Variants in SOS2 observed in about 807,000 individuals in gnomAD.
SOS2 encodes son of sevenless homolog 2.
In SOS2, 65 loss-of-function variants were observed where a neutral mutation model predicts 148.2. The observed-to-expected ratio is 0.44, with a 90% CI of 0.36 to 0.54. The LOEUF (loss-of-function observed/expected upper bound fraction) is 0.54, where lower values mean the gene tolerates loss of function less well. SOS2 is among the 20% of genes least tolerant of loss of function. SOS2 has a pLI of 0.00. For synonymous variants in SOS2, 539 were observed against 537.1 expected (o/e 1.00, Z -0.05); for missense variants, 1,341 against 1,590.2 (o/e 0.84, Z 2.67).
At chr14:50,226,512 G>A (rs530051133) in intron 1 of SOS2, among the ~76,000 whole-genome samples, 2 of 152,084 alleles carry the variant, frequency 1.3e-5, no homozygotes, top group Middle Eastern at 3.2e-3. Flanking sequence ...AGCCCCTACC[G>A]ATCTTTTTCC....
At position 50,178,666 on chromosome 14, in the gene SOS2, GTGTGCATATATATATATATA is replaced by G. The variant is rs1374378924; in HGVS notation, c.969+1886_969+1905del. Among the ~76,000 whole-genome samples, 125 of 70,066 alleles carry G rather than the reference GTGTGCATATATATATATATA, an allele frequency of 1.8e-3. 1 individual carries two copies. Among genetic ancestry groups the G allele is most frequent in the Admixed American group, 0.011 (67 of 5,976 alleles). 46.0% of individuals were successfully genotyped at this position (70,066 alleles called of 152,430 possible). ...CCCGCTAGTGTGTGTGTGTGTGTGTGTGTGCATATATATATATATATATATATATATATATATATATATAT... is the reference window on the plus strand; with the variant it reads ...CCCGCTAGTGTGTGTGTGTGTGTGTGTATATATATATATATATATATATAT... On this transcript the variant is annotated intron_variant, in intron 7 of 22. Transcript: ENST00000216373.
At chr14:50,200,799 T>C (rs567028485) in intron 3 of SOS2, among the ~76,000 whole-genome samples, 154 bp downstream of exon 3, 1 of 152,306 alleles carries the variant, frequency 6.6e-6, no homozygotes, top group African/African-American at 2.4e-5. Context: ...TGTATACATA[T>C]TAATATATGC....
chr14:50,159,254 C>T (rs1438938815), intron 10 of SOS2, among the ~76,000 whole-genome samples, 177 bp downstream of exon 10: 1 of 151,804 alleles, frequency 6.6e-6, no homozygotes, highest in East Asian at 1.9e-4. Context: ...ATGAAGTTAA[C>T]AATATTACAT....
chr14:50,217,738 C>T (rs1210878692), intron 1 of SOS2, among the ~76,000 whole-genome samples: 1 of 151,516 alleles, frequency 6.6e-6, no homozygotes, highest in Non-Finnish European at 1.5e-5. Context: ...CGGTGGATCA[C>T]GAGGTCAGGA....
At chr14:50,162,555 A>G (rs1284919131) in intron 8 of SOS2, among the ~76,000 whole-genome samples, 1 of 152,210 alleles carries the variant, frequency 6.6e-6, no homozygotes, top group Non-Finnish European at 1.5e-5. Flanking sequence ...CATATTCTCT[A>G]ATGATTACTT....
At chr14:50,162,952 G>A (rs985107826) in intron 8 of SOS2, among the ~76,000 whole-genome samples, 25 of 147,882 alleles carry the variant, frequency 1.7e-4, no homozygotes, top group African/African-American at 6.0e-4. Flanking sequence ...ACTGGAATAC[G>A]GTGAGGTGAT....
Position 50,208,584 on chromosome 14 carries a change from T to C in SOS2, c.88-4175A>G, listed in dbSNP as rs1886754464. ...AATCGCTTGAACTGGGAAGCAGAGG[T>C]TGCAGTGAGCTGAGATCATGCCACC... On this transcript the variant is annotated intron_variant, in intron 1 of 22. Coordinates refer to ENST00000216373, the MANE Select transcript of SOS2 (RefSeq NM_006939.4). Among the ~76,000 whole-genome samples, 8 of 151,866 alleles carry C rather than the reference T, an allele frequency of 5.3e-5. No homozygotes were observed. The South Asian group carries it at 1.7e-3, about 32-fold the overall frequency.
At chr14:50,184,262 T>G (rs1885838542) in intron 5 of SOS2, among the ~76,000 whole-genome samples, 1 of 152,196 alleles carries the variant, frequency 6.6e-6, no homozygotes, top group African/African-American at 2.4e-5. Context: ...GGCCAACTAT[T>G]ATTCACTCTG....
intron 1 of SOS2, among the ~76,000 whole-genome samples, chr14:50,205,909 CAAA>C (rs34451226): frequency 7.4e-6 from 1 of 135,542 alleles, no homozygotes. Flanking sequence ...AACTCCATCT[CAAA>C]AAAAAAAAAA....
chr14:50,190,999 G>A (rs969073550), intron 4 of SOS2, among the ~76,000 whole-genome samples: 6 of 152,094 alleles, frequency 3.9e-5, no homozygotes, highest in African/African-American at 1.4e-4. Flanking sequence ...TTTAGAGTAG[G>A]TCATACTTGC....
At chr14:50,204,252 G>A in intron 2 of SOS2, 32 bp downstream of exon 2, 1 of 1,471,704 alleles carries the variant, frequency 6.8e-7, no homozygotes, top group South Asian at 1.3e-5. Flanking sequence ...CAGTGGTTGA[G>A]TGACTTTTTG....
At chr14:50,222,663 T>C (rs1887235335) in intron 1 of SOS2, among the ~76,000 whole-genome samples, 1 of 152,172 alleles carries the variant, frequency 6.6e-6, no homozygotes, top group African/African-American at 2.4e-5. Context: ...GTCCTAAGAC[T>C]AAAACATGTC....
At chr14:50,190,911 T>G (rs1281596686) in intron 4 of SOS2, among the ~76,000 whole-genome samples, 1 of 152,138 alleles carries the variant, frequency 6.6e-6, no homozygotes, top group African/African-American at 2.4e-5. Context: ...CAAACAGACA[T>G]GCAAAATAAA....
intron 1 of SOS2, among the ~76,000 whole-genome samples, chr14:50,208,702 A>C (rs1250432369): frequency 1.3e-5 from 2 of 152,208 alleles, no homozygotes; most frequent in Admixed American, 1.3e-4. Context: ...GTTAATAGTA[A>C]GACAAGACAC....
At position 50,180,552 on chromosome 14, in the gene SOS2, A is replaced by AG; in HGVS notation, c.969+19_969+20insC. 1 of 1,085,164 alleles carries AG rather than the reference A, an allele frequency of 9.2e-7. No homozygotes were observed. Among genetic ancestry groups the AG allele is most frequent in the Admixed American group, 2.5e-5 (1 of 40,638 alleles). The allele number at this position is 1,085,164 out of a possible 1,614,324, so 67.2% of individuals were successfully genotyped here. A position where few individuals can be genotyped will look rare whatever the true frequency, so the allele number is the denominator to read the frequency against. On this transcript the variant is annotated intron_variant, in intron 7 of 22. Transcript: ENST00000216373. Reference sequence around the variant, plus strand: ...CTTTATTAAAAAAAAAAAAAAAAAAAACCTTCAATTTAAGTTTACCTGAAA... The same window carrying AG: ...CTTTATTAAAAAAAAAAAAAAAAAAAGACCTTCAATTTAAGTTTACCTGAAA...
intron 1 of SOS2, among the ~76,000 whole-genome samples, chr14:50,220,348 G>C (rs1177183669): frequency 8.0e-6 from 1 of 124,778 alleles, no homozygotes; most frequent in East Asian, 2.7e-4. Flanking sequence ...AGAGCTTGCA[G>C]TGAGCCAAGA....
Position 50,157,136 on chromosome 14 carries a change from A to AAAAGG in SOS2, c.1935-20_1935-16dup. 6.2e-7 allele frequency: 1 copy of AAAAGG among 1,606,716 alleles called. No individual in the cohort carries two copies. The highest frequency in any genetic ancestry group is 8.5e-7 in the Non-Finnish European group (1 of 1,176,766). ...GAATTTCAAACCTAAGAAGAAAAGCAAAAGGAGAAAAATCCGTTCATACAT... is the reference window on the plus strand; with the variant it reads ...GAATTTCAAACCTAAGAAGAAAAGCAAAAGGAAAGGAGAAAAATCCGTTCATACAT... On this transcript the variant is annotated splice_polypyrimidine_tract_variant and intron_variant, in intron 11 of 22. Coordinates refer to ENST00000216373, the MANE Select transcript of SOS2 (RefSeq NM_006939.4).
intron 21 of SOS2, among the ~76,000 whole-genome samples, chr14:50,125,665 G>A (rs2139493464): frequency 6.6e-6 from 1 of 152,236 alleles, no homozygotes; most frequent in Non-Finnish European, 1.5e-5. Flanking sequence ...ACCAAATAAG[G>A]ATTCAGGAGC....
At chr14:50,200,872 CA>C in intron 3 of SOS2, 80 bp downstream of exon 3, 2 of 1,353,228 alleles carry the variant, frequency 1.5e-6, no homozygotes, top group Non-Finnish European at 2.1e-6. Flanking sequence ...GACCATGCTA[CA>C]TTAATGCTTT....
Sources: allele counts gnomAD v4.1 joint callset (sites outside exome capture counted in the v4.1 genomes callset), GRCh38; gene constraint gnomAD v4.1.1; transcripts MANE v1.5; gene names NCBI Gene and HGNC (gene_info 2026-07-23, HGNC 2026-07-21).